The following ENOX1 variants were observed in gnomAD, a reference collection of about 807,000 sequenced individuals.
ENOX1 encodes ecto-NOX disulfide-thiol exchanger 1.
In ENOX1, 42 loss-of-function variants were observed where a neutral mutation model predicts 82.5. The ratio of observed to expected loss-of-function variants is 0.51; its 90% CI spans 0.40 to 0.66. ENOX1 has a LOEUF of 0.66. Ranked by LOEUF, ENOX1 falls within the 30% of genes least tolerant of loss-of-function variation. ENOX1 has a pLI of 0.00. For missense variants in ENOX1, 608 were observed against 811.6 expected (o/e 0.75, Z 3.05); for synonymous variants, 271 against 282.2 (o/e 0.96, Z 0.40).
chr13:43,660,129 T>G (rs9533572), intron 2 of ENOX1, among the ~76,000 whole-genome samples: 61,281 of 151,914 alleles, frequency 0.4, 12,869 homozygotes, highest in Admixed American at 0.49. Context: ...GTTTTTGCAG[T>G]GTTCATCAGT....
At chr13:43,739,014 A>G (rs758154507) in intron 1 of ENOX1, among the ~76,000 whole-genome samples, 6 of 152,182 alleles carry the variant, frequency 3.9e-5, no homozygotes, top group Non-Finnish European at 8.8e-5. Flanking sequence ...GCAAGGCCAC[A>G]CTAAAATAAA....
chr13:43,248,000 C>T (rs1310970156), intron 14 of ENOX1, among the ~76,000 whole-genome samples: 1 of 143,028 alleles, frequency 7.0e-6, no homozygotes, highest in African/African-American at 2.6e-5. Context: ...ATTCTCCTGC[C>T]TCAGCCTCCC....
intron 2 of ENOX1, among the ~76,000 whole-genome samples, chr13:43,616,176 ATCTATCTATC>A (rs1566642030): frequency 4.9e-4 from 3 of 6,170 alleles, no homozygotes; most frequent in African/African-American, 7.3e-4. Context: ...CTATCTATCT[ATCTATCTATC>A]TATATATATA....
intron 8 of ENOX1, among the ~76,000 whole-genome samples, chr13:43,355,627 G>C (rs556442681): frequency 6.6e-6 from 1 of 152,252 alleles, no homozygotes; most frequent in East Asian, 1.9e-4. Context: ...GAGTTTTGTT[G>C]AGTGACTGTA....
intron 12 of ENOX1, among the ~76,000 whole-genome samples, chr13:43,272,755 C>A (rs995250336): frequency 6.6e-6 from 1 of 152,144 alleles, no homozygotes; most frequent in African/African-American, 2.4e-5. Flanking sequence ...AGAGGTGGGA[C>A]CCAGGCACTG....
chr13:43,671,367 G>T (rs1200046809), intron 1 of ENOX1, among the ~76,000 whole-genome samples: 5 of 152,184 alleles, frequency 3.3e-5, no homozygotes, highest in Non-Finnish European at 7.3e-5. Context: ...CTCAGAACTA[G>T]AATGAAAAGA....
At chr13:43,674,577 G>C (rs1465049596) in intron 1 of ENOX1, among the ~76,000 whole-genome samples, 1 of 152,120 alleles carries the variant, frequency 6.6e-6, no homozygotes, top group East Asian at 1.9e-4. Context: ...CAGGGGTTGT[G>C]GGGGAGGGAA....
chr13:43,734,800 G>A (rs1310254007), intron 1 of ENOX1, among the ~76,000 whole-genome samples: 1 of 152,134 alleles, frequency 6.6e-6, no homozygotes, highest in African/African-American at 2.4e-5. Context: ...TGCTCGGTTT[G>A]GAACAAAGAC....
chr13:43,728,321 A>G (rs548787443), intron 1 of ENOX1, among the ~76,000 whole-genome samples: 2 of 152,334 alleles, frequency 1.3e-5, no homozygotes, highest in African/African-American at 4.8e-5. Context: ...ATCAAAGTTA[A>G]TCTAAACAAA....
intron 2 of ENOX1, among the ~76,000 whole-genome samples, chr13:43,493,353 C>T (rs1366620787): frequency 1.3e-5 from 2 of 152,188 alleles, no homozygotes; most frequent in Admixed American, 6.5e-5. Flanking sequence ...GATAGCAAGG[C>T]TCAATTCAAG....
chr13:43,754,355 T>A (rs1333341646), intron 1 of ENOX1, among the ~76,000 whole-genome samples: 2 of 144,154 alleles, frequency 1.4e-5, no homozygotes, highest in African/African-American at 5.2e-5. Context: ...TATTATTTAT[T>A]TTTTTTTTTT....
At chr13:43,740,262 A>G (rs1302149091) in intron 1 of ENOX1, among the ~76,000 whole-genome samples, 4 of 152,130 alleles carry the variant, frequency 2.6e-5, no homozygotes, top group Non-Finnish European at 5.9e-5. Context: ...AACACCAGGA[A>G]CCACTGGAAG....
At chr13:43,351,603 A>G (rs1443346813) in intron 8 of ENOX1, among the ~76,000 whole-genome samples, 3 of 118,402 alleles carry the variant, frequency 2.5e-5, no homozygotes, top group African/African-American at 9.7e-5. Flanking sequence ...CAGTCCCCAG[A>G]GTGTGATATT....
intron 3 of ENOX1, among the ~76,000 whole-genome samples, chr13:43,455,528 A>C (rs530243655): frequency 6.6e-6 from 1 of 152,200 alleles, no homozygotes; most frequent in East Asian, 1.9e-4. Flanking sequence ...CTTGTCTCTG[A>C]ATCATTTTTT....
At chr13:43,276,274 T>C (rs1453945354) in intron 12 of ENOX1, among the ~76,000 whole-genome samples, 1 of 152,200 alleles carries the variant, frequency 6.6e-6, no homozygotes, top group East Asian at 1.9e-4. Flanking sequence ...TAACATTTGC[T>C]CTACGTGGCA....
chr13:43,765,291 G>A (rs9595012), intron 1 of ENOX1, among the ~76,000 whole-genome samples: 13,319 of 152,128 alleles, frequency 0.088, 914 homozygotes, highest in African/African-American at 0.19. Context: ...ATTTACAACC[G>A]ACGTGACCTT....
intron 2 of ENOX1, among the ~76,000 whole-genome samples, chr13:43,515,959 C>A (rs1413236601): frequency 6.6e-6 from 1 of 152,138 alleles, no homozygotes. Flanking sequence ...GCCTAGTGCA[C>A]ACAAGCCTCC....
chr13:43,719,450 C>T (rs562624484), intron 1 of ENOX1, among the ~76,000 whole-genome samples: 24 of 152,092 alleles, frequency 1.6e-4, no homozygotes, highest in African/African-American at 5.8e-4. Flanking sequence ...CTCAATGCAG[C>T]GCCTGGGCAT....
intron 2 of ENOX1, among the ~76,000 whole-genome samples, chr13:43,530,435 T>C (rs1260287937): frequency 1.3e-5 from 2 of 152,108 alleles, no homozygotes; most frequent in Non-Finnish European, 2.9e-5. Flanking sequence ...TAGCTCATCA[T>C]GCAAGTGGTA....
Sources: gnomAD v4.1 joint callset for allele counts (sites outside exome capture counted in the v4.1 genomes callset) on GRCh38, gnomAD v4.1.1 for gene constraint, MANE v1.5 for transcripts, NCBI Gene and HGNC (gene_info 2026-07-23, HGNC 2026-07-21) for gene names.